The following LDAH variants were observed in gnomAD, a reference collection of about 807,000 sequenced individuals.
The protein encoded by LDAH is lipid droplet associated hydrolase.
Under a neutral mutation model 29.6 loss-of-function variants are expected in LDAH, and 26 were observed. That is an observed-to-expected ratio of 0.88 (90% CI 0.64 to 1.22). The LOEUF is 1.22. Among genes scored for constraint, LDAH ranks in the 50% most tolerant of loss-of-function variants. The pLI is 0.00. For synonymous variants in LDAH, 117 were observed against 133.0 expected (o/e 0.88, Z 0.83); for missense variants, 344 against 387.3 (o/e 0.89, Z 0.94).
At chr2:20,739,771 G>T (rs1300786262) in intron 5 of LDAH, among the ~76,000 whole-genome samples, 200 bp downstream of exon 5, 1 of 151,982 alleles carries the variant, frequency 6.6e-6, no homozygotes, top group Non-Finnish European at 1.5e-5. Flanking sequence ...TAAAATTAAA[G>T]CTTGATGAGG....
chr2:20,682,787 G>A (rs996497754), downstream of LDAH, among the ~76,000 whole-genome samples: 2 of 152,182 alleles, frequency 1.3e-5, no homozygotes, highest in Non-Finnish European at 2.9e-5. Context: ...TGGAGGACAT[G>A]TGCAACTACA....
intron 5 of LDAH, among the ~76,000 whole-genome samples, chr2:20,704,004 T>G (rs1006734948): frequency 1.3e-5 from 2 of 152,200 alleles, no homozygotes. Context: ...GATAAGTCTG[T>G]GCAGTGACAG....
intron 4 of LDAH, among the ~76,000 whole-genome samples, chr2:20,773,761 G>A (rs1435817835): frequency 6.6e-6 from 1 of 152,198 alleles, no homozygotes; most frequent in African/African-American, 2.4e-5. Flanking sequence ...AAGCTGGCAA[G>A]AAAAGGAGCG....
Position 20,725,474 on chromosome 2 carries a change from C to T in LDAH, c.703+14497G>A, listed in dbSNP as rs190004292. On this transcript the variant is annotated intron_variant, in intron 5 of 6. Coordinates refer to ENST00000237822, the MANE Select transcript of LDAH (RefSeq NM_021925.4). ...AAGGCATTCTGCAGGAACATGGCAA[C>T]GATGGATTTTAGTTCTGGTGGACTG... is the stretch of plus-strand genomic sequence containing the variant. Among the ~76,000 whole-genome samples the T allele has an allele frequency of 1.5e-3, 230 of 152,244 alleles. 4 individuals carry two copies. In the South Asian group the frequency reaches 0.043, roughly 29 times the overall value.
intron 4 of LDAH, among the ~76,000 whole-genome samples, chr2:20,767,869 T>C (rs1669148227): frequency 6.6e-6 from 1 of 152,038 alleles, no homozygotes; most frequent in Admixed American, 6.5e-5. Flanking sequence ...GGAGCTACTA[T>C]CTCTGCCAAG....
intron 3 of LDAH, among the ~76,000 whole-genome samples, chr2:20,788,547 A>G (rs535916): frequency 0.015 from 2,323 of 152,350 alleles, 63 homozygotes; most frequent in African/African-American, 0.053. Flanking sequence ...TGCATATATA[A>G]TAACGAAGAC....
chr2:20,725,436 G>T (rs141464437), intron 5 of LDAH, among the ~76,000 whole-genome samples: 1 of 152,286 alleles, frequency 6.6e-6, no homozygotes, highest in East Asian at 1.9e-4. Context: ...CTTGCCAAGG[G>T]TTACAACGCC....
At chr2:20,779,070 T>C (rs1670006997) in intron 3 of LDAH, among the ~76,000 whole-genome samples, 1 of 152,180 alleles carries the variant, frequency 6.6e-6, no homozygotes, top group African/African-American at 2.4e-5. Flanking sequence ...TTGGTAGGAC[T>C]GAGTCTGCAG....
At chr2:20,712,343 T>C (rs1464807761) in intron 5 of LDAH, among the ~76,000 whole-genome samples, 1 of 152,126 alleles carries the variant, frequency 6.6e-6, no homozygotes, top group Non-Finnish European at 1.5e-5. Context: ...AGCATCAACA[T>C]CAACCAAAAG....
intron 3 of LDAH, among the ~76,000 whole-genome samples, chr2:20,776,312 C>T (rs898289933): frequency 1.3e-4 from 20 of 152,084 alleles, no homozygotes; most frequent in Admixed American, 3.9e-4. Flanking sequence ...GCGTTATCTC[C>T]TCTGAGAGAC....
chr2:20,685,776 T>C lies in LDAH; in HGVS notation c.*1127A>G. ...TGTCAGCCCACTCTAGGCCAGGGAA[T>C]ATGTGTCTTCTCTGCCATACCTCAA... On this transcript the variant is annotated 3_prime_UTR_variant, in exon 7 of 7. Coordinates refer to ENST00000237822, the MANE Select transcript of LDAH (RefSeq NM_021925.4). 8.0e-7 allele frequency: 1 copy of C among 1,243,556 alleles called. No individual in the cohort carries two copies. Among genetic ancestry groups the C allele is most frequent in the Middle Eastern group, 2.0e-4 (1 of 4,888 alleles). 77.0% of individuals were successfully genotyped at this position (1,243,556 alleles called of 1,614,324 possible). A position where few individuals can be genotyped will look rare whatever the true frequency, so the allele number is the denominator to read the frequency against.
At chr2:20,763,148 C>T (rs1456046453) in intron 4 of LDAH, among the ~76,000 whole-genome samples, 1 of 152,152 alleles carries the variant, frequency 6.6e-6, no homozygotes, top group African/African-American at 2.4e-5. Flanking sequence ...CTGATATCAG[C>T]ACATTTACTC....
chr2:20,780,572 T>C (rs1670125954), intron 3 of LDAH, among the ~76,000 whole-genome samples: 1 of 152,122 alleles, frequency 6.6e-6, no homozygotes, highest in Non-Finnish European at 1.5e-5. Flanking sequence ...AAGTTGGGTA[T>C]AAATGAAGTA....
rs114193458 is a variant in LDAH at position 20,789,279 on chromosome 2, C to T, written c.298+976G>A. 4.3e-3 allele frequency: 6,612 copies of T among 1,550,230 alleles called. 20 individuals are homozygous for T. Among genetic ancestry groups the T allele is most frequent in the Admixed American group, 6.9e-3 (353 of 50,974 alleles). The stretch of plus-strand genomic sequence containing the variant: ...CAGATGGGGTCATGAGGGTAGAGCC[C>T]GCGAGAGTCCCAAGAGGGCTTGCCT... On this transcript the variant is annotated intron_variant, in intron 3 of 6. Coordinates refer to ENST00000237822, the MANE Select transcript of LDAH (RefSeq NM_021925.4).
In LDAH at chr2:20,695,529, T is replaced by C. The variant is rs1415849557; in HGVS notation, c.786+6041A>G. 3.3e-5 allele frequency among the ~76,000 whole-genome samples: 5 copies of C among 151,604 alleles called. No homozygotes were observed. In the East Asian group the frequency reaches 9.7e-4, roughly 29 times the overall value. On this transcript the variant is annotated intron_variant, in intron 6 of 6. Transcript: ENST00000237822. ...GTGCAGTAGCATGATCTTGGCTCAC[T>C]GCAACCTCCCCCTCCTGGGTTCAAG...
intron 6 of LDAH, among the ~76,000 whole-genome samples, chr2:20,694,813 C>A (rs1253482980): frequency 2.0e-5 from 3 of 152,204 alleles, no homozygotes; most frequent in African/African-American, 7.2e-5. Flanking sequence ...CAGAGCAGCA[C>A]TCTCCTTTCC....
chr2:20,795,103 T>C (rs900706731), intron 2 of LDAH, among the ~76,000 whole-genome samples: 6 of 152,138 alleles, frequency 3.9e-5, no homozygotes, highest in African/African-American at 1.4e-4. Flanking sequence ...GCAAGTAAAA[T>C]ATTTAATCAA....
At chr2:20,726,160 C>G (rs12468261) in intron 5 of LDAH, among the ~76,000 whole-genome samples, 35,890 of 152,174 alleles carry the variant, frequency 0.24, 4,802 homozygotes, top group East Asian at 0.36. Context: ...ATGTGCTTAA[C>G]TGCCTATCAG....
intron 2 of LDAH, among the ~76,000 whole-genome samples, chr2:20,796,516 G>A (rs958096256): frequency 2.0e-5 from 3 of 152,124 alleles, no homozygotes; most frequent in Non-Finnish European, 4.4e-5. Context: ...TGTCATGTCA[G>A]GACATTTCAA....
Sources: allele counts gnomAD v4.1 joint callset (sites outside exome capture counted in the v4.1 genomes callset), GRCh38; gene constraint gnomAD v4.1.1; transcripts MANE v1.5; gene names NCBI Gene and HGNC (gene_info 2026-07-23, HGNC 2026-07-21).